TMEM200C: variants seen among roughly 807,000 people sequenced by gnomAD.
TMEM200C encodes the protein transmembrane protein 200C, also known as transmembrane protein TTMA.
For missense variants in TMEM200C, 966 were observed against 699.9 expected (o/e 1.38, Z -4.29); for synonymous variants, 462 against 324.7 (o/e 1.42, Z -4.55).
At position 5,892,009 on chromosome 18, in the gene TMEM200C, G is replaced by T. The variant is rs755992537; in HGVS notation, c.55C>A (p.Arg19Ser). The change falls in exon 3 of 3, where the codon CGC (arginine) becomes AGC (serine). Residue 19 changes from arginine (R) to serine (S), a missense_variant. Coordinates refer to ENST00000581347, the Ensembl canonical transcript of TMEM200C. ...CGCTTGGGTATCTGGCTTGGGGGGC[G>T]GAGTGGATCCTGCTTTCTGGCGGAA... 90 of 1,613,940 alleles carry T rather than the reference G, an allele frequency of 5.6e-5. No homozygotes were observed. The East Asian group carries it at 1.2e-3, about 21-fold the overall frequency.
At chr18:5,890,405 T>C (rs746648671) in exon 3 of TMEM200C, 5 of 1,580,154 alleles carry the variant, frequency 3.2e-6, no homozygotes, top group Middle Eastern at 1.7e-4. Flanking sequence ...GACCAGCTAC[T>C]GCGTCCAAGA....
rs1426860216 is a variant in TMEM200C at position 5,894,075 on chromosome 18, ATTT to A, written c.-95+952_-95+954del. Among the ~76,000 whole-genome samples, 9 of 152,260 alleles carry A rather than the reference ATTT, an allele frequency of 5.9e-5. No individual in the cohort carries two copies. In the South Asian group the frequency reaches 1.7e-3, roughly 28 times the overall value. ...CTTAAGAAGGCTTTAAGGACCAGAC[ATTT>A]TTTAGAAGCGAACTCAGACTCAGTT... is the stretch of plus-strand genomic sequence containing the variant. On this transcript the variant is annotated intron_variant, in intron 2 of 2. Transcript: ENST00000581347.
Position 5,891,242 on chromosome 18 carries a change from T to C in TMEM200C, c.822A>G (p.Gly274=). Reference sequence around the variant, plus strand: ...AGCCCTTGGCCAGCATCGCCGCCGCTCCGAAGGCGTCCCCGGAGCCACCGC... The same window carrying C: ...AGCCCTTGGCCAGCATCGCCGCCGCCCCGAAGGCGTCCCCGGAGCCACCGC... Residue 274 remains glycine, a synonymous_variant, in exon 3 of 3, where the codon GGA becomes GGG. Transcript: ENST00000581347. This position sits in a 1 kb window ranked among gnomAD's most constrained non-coding sequence, Gnocchi z 4.7. The C allele has an allele frequency of 7.3e-7, 1 of 1,364,408 alleles. No homozygotes were observed. The allele number at this position is 1,364,408 out of a possible 1,614,324, so 84.5% of individuals were successfully genotyped here.
chr18:5,894,559 G>A (rs1378114358), intron 2 of TMEM200C, among the ~76,000 whole-genome samples: 2 of 152,192 alleles, frequency 1.3e-5, no homozygotes, highest in Non-Finnish European at 2.9e-5. Flanking sequence ...GCAAAGGAGG[G>A]ATGTCTAAAA....
chr18:5,893,427 A>T (rs1260093354), intron 2 of TMEM200C, among the ~76,000 whole-genome samples: 2 of 152,244 alleles, frequency 1.3e-5, no homozygotes, highest in African/African-American at 4.8e-5. Context: ...TCACAAATGC[A>T]TATTTGTAGT....
chr18:5,891,107 G>C lies in TMEM200C; in HGVS notation c.957C>G (p.Ala319=), dbSNP rs2095170376. ...CGCGGTAGACGCTGTACACGGCCTCGGCCAGGCTCGGGGGCTCCCGCGGAC... is the reference window on the plus strand; with the variant it reads ...CGCGGTAGACGCTGTACACGGCCTCCGCCAGGCTCGGGGGCTCCCGCGGAC... The change falls in exon 3 of 3, where the codon GCC becomes GCG. Residue 319 remains alanine, a synonymous_variant. Coordinates refer to ENST00000581347, the Ensembl canonical transcript of TMEM200C. The surrounding 1 kb of genome is among the most constrained non-coding windows in gnomAD (Gnocchi z 4.7). The C allele has an allele frequency of 1.4e-5, 7 of 505,400 alleles. No homozygotes were observed. The highest frequency in any genetic ancestry group is 2.4e-5 in the Non-Finnish European group (7 of 297,354). 31.3% of individuals were successfully genotyped at this position (505,400 alleles called of 1,614,324 possible). A position where few individuals can be genotyped will look rare whatever the true frequency, so the allele number is the denominator to read the frequency against.
At chr18:5,888,315 A>G (rs1391711603) in exon 3 of TMEM200C, 6 of 152,230 alleles carry the variant, frequency 3.9e-5, no homozygotes, top group African/African-American at 1.2e-4. Context: ...CAATATATTA[A>G]TCTACAGCCT....
At chr18:5,885,628 A>C (rs2095164802) in exon 3 of TMEM200C, 1 of 152,204 alleles carries the variant, frequency 6.6e-6, no homozygotes, top group African/African-American at 2.4e-5. Context: ...AGATGAACGG[A>C]TGGCATACAG....
Position 5,891,559 on chromosome 18 carries a change from C to A in TMEM200C, c.505G>T (p.Gly169Trp). The change falls in exon 3 of 3, where the codon GGG becomes TGG. Residue 169 changes from glycine (G) to tryptophan (W), a missense_variant. By Grantham distance (184) the Gly-to-Trp change is radical (BLOSUM62 -2). Transcript: ENST00000581347. This position sits in a 1 kb window ranked among gnomAD's most constrained non-coding sequence, Gnocchi z 4.7. ...ATGCCGATGCCCATGATGAGGGGCC[C>A]GAAGACCTTGAGCTTGTCAGAGTGC... The A allele has an allele frequency of 6.2e-7, 1 of 1,613,504 alleles. No homozygotes were observed. Among genetic ancestry groups the A allele is most frequent in the Non-Finnish European group, 8.5e-7 (1 of 1,179,756 alleles).
intron 2 of TMEM200C, among the ~76,000 whole-genome samples, chr18:5,894,775 G>A (rs2095174345): frequency 6.6e-6 from 1 of 152,244 alleles, no homozygotes; most frequent in African/African-American, 2.4e-5. Context: ...GTTAGCTGGA[G>A]TCACATGAGT....
At chr18:5,895,728 CG>C (rs1325011032) in intron 1 of TMEM200C, 1 of 150,436 alleles carries the variant, frequency 6.6e-6, no homozygotes, top group Non-Finnish European at 1.5e-5. Context: ...GCAGCCGGCA[CG>C]GGGCGCTCGG....
Position 5,891,391 on chromosome 18 carries a change from C to T in TMEM200C, c.673G>A (p.Ala225Thr), listed in dbSNP as rs1047939764. ...GACGAAGAGGCGGCGGCGGCCGCGG[C>T]GGCGGCCGCGGCGGCCGCCAGGTCT... The change falls in exon 3 of 3, where the codon GCC becomes ACC. Residue 225 changes from alanine to threonine, a missense_variant. Ala to Thr is a moderately conservative substitution (Grantham distance 58). Coordinates refer to ENST00000581347, the Ensembl canonical transcript of TMEM200C. This position sits in a 1 kb window ranked among gnomAD's most constrained non-coding sequence, Gnocchi z 4.7. 6.0e-6 allele frequency: 8 copies of T among 1,344,026 alleles called. No individual in the cohort carries two copies. Among genetic ancestry groups the T allele is most frequent in the South Asian group, 4.2e-5 (2 of 47,522 alleles). 83.3% of individuals were successfully genotyped at this position (1,344,026 alleles called of 1,614,324 possible).
Position 5,890,562 on chromosome 18 carries a change from G to A in TMEM200C, c.1502C>T (p.Ala501Val), listed in dbSNP as rs771047547. The change falls in exon 3 of 3, where the codon GCC becomes GTC. Residue 501 changes from alanine to valine, a missense_variant. Transcript: ENST00000581347. ...GGGTGGCGAGGGGGAGGCGGCCTTG[G>A]CCAGAGGGCTGGAGTCCGGGTCCGC... 9.2e-6 allele frequency: 13 copies of A among 1,408,714 alleles called. No homozygotes were observed. In the African/African-American group the frequency reaches 1.8e-4, roughly 19 times the overall value. The allele number at this position is 1,408,714 out of a possible 1,614,324, so 87.3% of individuals were successfully genotyped here. A position where few individuals can be genotyped will look rare whatever the true frequency, so the allele number is the denominator to read the frequency against.
At position 5,890,594 on chromosome 18, in the gene TMEM200C, CG is replaced by C; in HGVS notation, c.1469del (p.Pro490ArgfsTer65). On this transcript the variant is annotated frameshift_variant, in exon 3 of 3. Transcript: ENST00000581347. LOFTEE classifies it low-confidence loss of function (END_TRUNC). ...GGCTGGAGTCCGGGTCCGCACTCCC[CG>C]GGGAGGGCGGGGGCTCGGGGGACGG... The C allele has an allele frequency of 9.5e-7, 1 of 1,047,536 alleles. No individual in the cohort carries two copies. Among genetic ancestry groups the C allele is most frequent in the Non-Finnish European group, 1.2e-6 (1 of 836,426 alleles). 64.9% of individuals were successfully genotyped at this position (1,047,536 alleles called of 1,614,324 possible).
chr18:5,891,656 T>C lies in TMEM200C; in HGVS notation c.408A>G (p.Pro136=), dbSNP rs1372698408. Reference sequence around the variant, plus strand: ...AGGAGGACGGGGAGGCGGCTCGTGCTGGAGGCGTGCTCCTGGGCGCGCCCG... The same window carrying C: ...AGGAGGACGGGGAGGCGGCTCGTGCCGGAGGCGTGCTCCTGGGCGCGCCCG... The change falls in exon 3 of 3, where the codon CCA becomes CCG. Residue 136 remains proline, a synonymous_variant. Transcript: ENST00000581347. The surrounding 1 kb of genome is among the most constrained non-coding windows in gnomAD (Gnocchi z 4.7). The C allele has an allele frequency of 2.5e-6, 4 of 1,613,750 alleles. No homozygotes were observed. In the South Asian group the frequency reaches 4.4e-5, roughly 18 times the overall value.
At chr18:5,886,290 G>C (rs965011826) in exon 3 of TMEM200C, 2 of 152,134 alleles carry the variant, frequency 1.3e-5, no homozygotes, top group African/African-American at 4.8e-5. Context: ...GAGACCTCAA[G>C]GACTTCACTG....
exon 3 of TMEM200C, chr18:5,884,584 C>T (rs1009373665): frequency 2.6e-5 from 4 of 152,108 alleles, no homozygotes; most frequent in Non-Finnish European, 5.9e-5. Flanking sequence ...TATAATATAT[C>T]TGAAACTCAT....
chr18:5,895,364 C>T (rs1377537326), exon 2 of TMEM200C: 4 of 151,534 alleles, frequency 2.6e-5, no homozygotes, highest in African/African-American at 9.7e-5. Context: ...CGGGCGGGCC[C>T]CTGCGGCCGC....
exon 3 of TMEM200C, chr18:5,890,241 T>C: frequency 6.3e-7 from 1 of 1,579,714 alleles, no homozygotes; most frequent in Non-Finnish European, 8.6e-7. Context: ...CCCTATGGCA[T>C]GAGACCTGGA....
Sources: allele counts gnomAD v4.1 joint callset (sites outside exome capture counted in the v4.1 genomes callset), GRCh38; gene constraint gnomAD v4.1.1; non-coding constraint Gnocchi (gnomAD v3.1); transcripts MANE v1.5; gene names NCBI Gene and HGNC (gene_info 2026-07-23, HGNC 2026-07-21).